SNTG2: variants seen among roughly 807,000 people sequenced by gnomAD.
SNTG2 encodes the protein gamma-2-syntrophin.
In SNTG2, 74 loss-of-function variants were observed where a neutral mutation model predicts 70.9. The observed-to-expected ratio is 1.04, with a 90% CI of 0.86 to 1.27. SNTG2 has a LOEUF of 1.27. SNTG2 is among the 50% of genes most tolerant of loss of function. The pLI, the probability that SNTG2 is intolerant of heterozygous loss-of-function variation, is 0.00. For synonymous variants in SNTG2, 278 were observed against 273.8 expected (o/e 1.02, Z -0.15); for missense variants, 717 against 690.7 (o/e 1.04, Z -0.43).
intron 8 of SNTG2, among the ~76,000 whole-genome samples, chr2:1,194,025 TG>T (rs1280924675): frequency 6.6e-6 from 1 of 152,240 alleles, no homozygotes; most frequent in Non-Finnish European, 1.5e-5. Flanking sequence ...AGTGGGCAGA[TG>T]AGGTATGCAC....
intron 1 of SNTG2, among the ~76,000 whole-genome samples, chr2:1,078,214 C>A (rs540731209): frequency 1.3e-5 from 2 of 152,270 alleles, no homozygotes; most frequent in East Asian, 1.9e-4. Context: ...AAGCTGGTCC[C>A]CCTGAAGTGG....
rs1673876797 is a variant in SNTG2 at position 1,209,217 on chromosome 2, A to G, written c.706A>G (p.Thr236Ala). The G allele has an allele frequency of 6.2e-7, 1 of 1,613,908 alleles. No individual in the cohort carries two copies. The highest frequency in any genetic ancestry group is 1.3e-5 in the African/African-American group (1 of 74,932). The change falls in exon 9 of 17, where the codon ACG becomes GCG. Residue 236 changes from threonine (T) to alanine (A), a missense_variant. By Grantham distance (58) the Thr-to-Ala change is moderately conservative. Transcript: ENST00000308624. ...MARISRYKAG[T>A]EKLRWNAFEV... Reference sequence around the variant, plus strand: ...TCGCATCTCAAGGTACAAAGCCGGAACGGAAAAATTAAGGTGTGTGACCAT... The same window carrying G: ...TCGCATCTCAAGGTACAAAGCCGGAGCGGAAAAATTAAGGTGTGTGACCAT...
chr2:1,111,779 C>T (rs1400182410), intron 4 of SNTG2, among the ~76,000 whole-genome samples: 1 of 152,226 alleles, frequency 6.6e-6, no homozygotes, highest in Non-Finnish European at 1.5e-5. Flanking sequence ...CCTTACAGTC[C>T]TTTGAGAAAG....
chr2:1,002,676 G>A (rs1659433328), intron 1 of SNTG2, among the ~76,000 whole-genome samples: 2 of 145,564 alleles, frequency 1.4e-5, no homozygotes, highest in South Asian at 4.3e-4. Flanking sequence ...ATGAAAAAGG[G>A]TATGAATATT....
chr2:1,166,330 C>T lies in SNTG2; in HGVS notation c.499+695C>T, dbSNP rs187359712. On this transcript the variant is annotated intron_variant, in intron 7 of 16. Coordinates refer to ENST00000308624, the MANE Select transcript of SNTG2 (RefSeq NM_018968.4). Reference sequence around the variant, plus strand: ...GCTGGTGGCTCAAACCCCAGGGCATCCGATGTGGAATGAGGACCTCCCGCT... The same window carrying T: ...GCTGGTGGCTCAAACCCCAGGGCATTCGATGTGGAATGAGGACCTCCCGCT... 4.0e-4 allele frequency among the ~76,000 whole-genome samples: 61 copies of T among 152,262 alleles called. 1 individual carries two copies. The East Asian group carries it at 0.011, about 27-fold the overall frequency.
Position 1,015,308 on chromosome 2 carries a change from T to C in SNTG2, c.72+64240T>C, listed in dbSNP as rs148244528. ...TGATAGAAGGGATTTTTAGATGCCA[T>C]TAAAAATGACAGTCTTAATCAGATT... On this transcript the variant is annotated intron_variant, in intron 1 of 16. Transcript: ENST00000308624. Among the ~76,000 whole-genome samples the C allele has an allele frequency of 3.4e-3, 525 of 152,236 alleles. 4 individuals are homozygous for C. The highest frequency in any genetic ancestry group is 0.012 in the African/African-American group (505 of 41,528).
At chr2:980,717 C>T (rs1011084728) in intron 1 of SNTG2, among the ~76,000 whole-genome samples, 1 of 151,866 alleles carries the variant, frequency 6.6e-6, no homozygotes, top group African/African-American at 2.4e-5. Flanking sequence ...CACACACACA[C>T]ACATTTATAT....
At chr2:1,020,633 A>G (rs1252579076) in intron 1 of SNTG2, among the ~76,000 whole-genome samples, 2 of 152,038 alleles carry the variant, frequency 1.3e-5, no homozygotes, top group Non-Finnish European at 2.9e-5. Context: ...CCTCATCCAT[A>G]TTCAATTACT....
intron 7 of SNTG2, among the ~76,000 whole-genome samples, chr2:1,166,830 C>G (rs7574195): frequency 6.6e-6 from 1 of 152,108 alleles, no homozygotes; most frequent in Non-Finnish European, 1.5e-5. Context: ...AGCAGAGGAG[C>G]GGAAGAGTAT....
At chr2:1,069,494 A>C (rs940871873) in intron 1 of SNTG2, among the ~76,000 whole-genome samples, 2 of 151,744 alleles carry the variant, frequency 1.3e-5, no homozygotes, top group African/African-American at 4.8e-5. Context: ...GCTAGGAAAA[A>C]AAAAAAAACA....
chr2:1,100,570 CTT>C (rs1443918253), intron 4 of SNTG2, among the ~76,000 whole-genome samples: 2 of 152,152 alleles, frequency 1.3e-5, no homozygotes, highest in Non-Finnish European at 2.9e-5. Flanking sequence ...GGGCCCAGTG[CTT>C]TGGCTCATAT....
intron 9 of SNTG2, among the ~76,000 whole-genome samples, chr2:1,222,503 AGGGC>A (rs1411278279): frequency 8.5e-5 from 12 of 140,556 alleles, no homozygotes; most frequent in African/African-American, 3.3e-4. Context: ...GCAGTGATGG[AGGGC>A]GTCTCCCTGT....
intron 1 of SNTG2, among the ~76,000 whole-genome samples, chr2:1,066,801 C>T (rs1418609037): frequency 6.6e-6 from 1 of 152,060 alleles, no homozygotes; most frequent in Non-Finnish European, 1.5e-5. Context: ...TGCTGAATGA[C>T]CGTAGAACGG....
intron 14 of SNTG2, among the ~76,000 whole-genome samples, chr2:1,278,872 T>C (rs578205686): frequency 2.9e-4 from 35 of 120,580 alleles, no homozygotes; most frequent in African/African-American, 8.4e-4. Context: ...TGCACATCAT[T>C]CTGAGTACTG....
intron 8 of SNTG2, among the ~76,000 whole-genome samples, chr2:1,193,198 CT>C (rs1672706329): frequency 1.3e-5 from 2 of 152,196 alleles, no homozygotes; most frequent in South Asian, 4.1e-4. Flanking sequence ...AAAGTTGCTC[CT>C]TAAAATAGGT....
At chr2:1,330,954 A>G (rs1472703123) in intron 16 of SNTG2, among the ~76,000 whole-genome samples, 1 of 152,224 alleles carries the variant, frequency 6.6e-6, no homozygotes, top group African/African-American at 2.4e-5. Context: ...GGTTGTCACC[A>G]GTGAGTTGTG....
chr2:1,156,665 G>C (rs1223814133), intron 6 of SNTG2, among the ~76,000 whole-genome samples: 1 of 152,170 alleles, frequency 6.6e-6, no homozygotes, highest in African/African-American at 2.4e-5. Context: ...ACCATGACAG[G>C]TGAGGGCAGA....
intron 1 of SNTG2, among the ~76,000 whole-genome samples, chr2:1,024,213 A>G (rs1660351910): frequency 6.6e-6 from 1 of 152,192 alleles, no homozygotes; most frequent in Non-Finnish European, 1.5e-5. Flanking sequence ...TTTATTTGAA[A>G]AATCGTAATA....
intron 1 of SNTG2, among the ~76,000 whole-genome samples, chr2:963,014 A>G (rs6740965): frequency 0.44 from 66,881 of 151,918 alleles, 15,274 homozygotes; most frequent in Middle Eastern, 0.55. Context: ...GATTTCTCAT[A>G]CCACTCCTGT....
Sources: allele counts gnomAD v4.1 joint callset (sites outside exome capture counted in the v4.1 genomes callset), GRCh38; gene constraint gnomAD v4.1.1; transcripts MANE v1.5; gene names NCBI Gene and HGNC (gene_info 2026-07-23, HGNC 2026-07-21).